LRMDA: variants seen among roughly 807,000 people sequenced by gnomAD.
LRMDA encodes leucine rich melanocyte differentiation associated, also known as leucine-rich melanocyte differentiation-associated protein.
LRMDA carries 18 observed loss-of-function variants against 29.8 expected under a neutral mutation model. The ratio of observed to expected loss-of-function variants is 0.60; its 90% CI spans 0.42 to 0.90. The LOEUF is 0.90. Ranked by LOEUF, LRMDA falls within the 40% of genes least tolerant of loss-of-function variation. LRMDA has a pLI of 0.00. For synonymous variants in LRMDA, 125 were observed against 109.4 expected, an observed-to-expected ratio of 1.14 and a Z score of -0.89; for missense variants, 273 against 273.9, an observed-to-expected ratio of 1.00 and a Z score of 0.02.
intron 6 of LRMDA, among the ~76,000 whole-genome samples, chr10:76,529,413 G>A (rs544527098): frequency 6.6e-6 from 1 of 152,172 alleles, no homozygotes; most frequent in South Asian, 2.1e-4. Flanking sequence ...TTAATTTGGG[G>A]AATGAGACAT....
chr10:76,282,458 A>T (rs1269334266), intron 5 of LRMDA, among the ~76,000 whole-genome samples: 2 of 152,192 alleles, frequency 1.3e-5, no homozygotes, highest in Admixed American at 6.5e-5. Context: ...AGTCAAGATT[A>T]TATATACCCA....
chr10:76,363,176 A>AGAAAGAAGGGAGGGAGGGAG (rs1459442138), intron 6 of LRMDA, among the ~76,000 whole-genome samples: 7 of 21,794 alleles, frequency 3.2e-4, no homozygotes, highest in Non-Finnish European at 7.0e-4. Flanking sequence ...AAAGAAAGAA[A>AGAAAGAAGGGAGGGAGGGAG]GGAGGGAGGG....
At chr10:75,545,951 C>T (rs569026809) in intron 2 of LRMDA, among the ~76,000 whole-genome samples, 16 of 152,268 alleles carry the variant, frequency 1.1e-4, no homozygotes, top group African/African-American at 3.4e-4. Flanking sequence ...CCATGAAACT[C>T]ACAGGAACTC....
rs184852604 is a variant in LRMDA at position 75,877,918 on chromosome 10, C to T, written c.132-158090C>T. Among the ~76,000 whole-genome samples the T allele has an allele frequency of 3.6e-3, 547 of 152,168 alleles. 16 individuals are homozygous for T. The highest frequency in any genetic ancestry group is 0.033 in the Admixed American group (512 of 15,298). On this transcript the variant is annotated intron_variant, in intron 2 of 6. Transcript: ENST00000611255. ...TGACACAGGGATGTCAAGATGAAAT[C>T]GGAGGAGTTCCCTTATCCCCCTCAC...
At chr10:75,651,317 T>C (rs549203816) in intron 2 of LRMDA, among the ~76,000 whole-genome samples, 126 of 152,292 alleles carry the variant, frequency 8.3e-4, no homozygotes, top group African/African-American at 2.9e-3. Flanking sequence ...CTCTAGGATC[T>C]GGGCAGAAAA....
intron 2 of LRMDA, among the ~76,000 whole-genome samples, chr10:75,927,327 AAACT>A (rs1279112989): frequency 2.6e-5 from 4 of 152,292 alleles, no homozygotes; most frequent in Admixed American, 2.0e-4. Flanking sequence ...AACCACTGTA[AAACT>A]GTATAAGTCT....
At chr10:76,157,635 C>G (rs1400130702) in intron 5 of LRMDA, among the ~76,000 whole-genome samples, 5 of 151,536 alleles carry the variant, frequency 3.3e-5, no homozygotes, top group Non-Finnish European at 7.4e-5. Context: ...AAAAAAGACC[C>G]TAAATGAAGG....
chr10:76,494,336 T>TC (rs1487892929), intron 6 of LRMDA, among the ~76,000 whole-genome samples: 31 of 151,644 alleles, frequency 2.0e-4, no homozygotes, highest in African/African-American at 7.2e-4. Context: ...CTTTTTTTTT[T>TC]TTTTTAAATG....
chr10:76,508,378 C>T, intron 6 of LRMDA, among the ~76,000 whole-genome samples: 1 of 152,174 alleles, frequency 6.6e-6, no homozygotes, highest in East Asian at 1.9e-4. Context: ...TGATTTTCTA[C>T]TCTCATCACT....
intron 5 of LRMDA, among the ~76,000 whole-genome samples, chr10:76,147,683 C>T (rs1199153391): frequency 1.3e-5 from 2 of 152,242 alleles, no homozygotes; most frequent in Non-Finnish European, 2.9e-5. Flanking sequence ...CTTCTCTCAA[C>T]TCGTCAAAGT....
chr10:76,022,754 AGGG>A (rs561655363), intron 2 of LRMDA, among the ~76,000 whole-genome samples: 4 of 151,954 alleles, frequency 2.6e-5, no homozygotes, highest in Non-Finnish European at 4.4e-5. Context: ...AGGCCTGGCT[AGGG>A]GATGCTCAAT....
intron 5 of LRMDA, among the ~76,000 whole-genome samples, chr10:76,208,116 A>G (rs952359833): frequency 1.3e-5 from 2 of 152,210 alleles, no homozygotes; most frequent in Non-Finnish European, 2.9e-5. Context: ...TGGTAAACAT[A>G]GTTCAATTAA....
At chr10:76,147,475 A>G (rs1166206904) in intron 5 of LRMDA, among the ~76,000 whole-genome samples, 2 of 152,308 alleles carry the variant, frequency 1.3e-5, no homozygotes, top group African/African-American at 2.4e-5. Context: ...AGTTGATGGC[A>G]TCGGCTACTG....
At chr10:76,097,649 T>C (rs1849333637) in intron 5 of LRMDA, among the ~76,000 whole-genome samples, 1 of 152,180 alleles carries the variant, frequency 6.6e-6, no homozygotes. Context: ...TTTTGTCAAA[T>C]GTTTTTCTGC....
chr10:75,440,063 A>G (rs73288987), intron 2 of LRMDA, among the ~76,000 whole-genome samples: 15,672 of 151,076 alleles, frequency 0.1, 2,368 homozygotes, highest in African/African-American at 0.34. Context: ...GGACTGGGCT[A>G]TTGGGTTTGA....
chr10:75,447,742 CA>C (rs1269186651), intron 2 of LRMDA, among the ~76,000 whole-genome samples: 1 of 152,016 alleles, frequency 6.6e-6, no homozygotes, highest in Non-Finnish European at 1.5e-5. Context: ...AAAAAATACA[CA>C]TAATTAGCTG....
intron 2 of LRMDA, among the ~76,000 whole-genome samples, chr10:75,530,108 T>C (rs1845459765): frequency 6.6e-6 from 1 of 151,926 alleles, no homozygotes; most frequent in Non-Finnish European, 1.5e-5. Flanking sequence ...TACATATTTA[T>C]ATATTCTTTA....
intron 2 of LRMDA, among the ~76,000 whole-genome samples, chr10:75,891,595 G>A (rs550481698): frequency 1.3e-5 from 2 of 152,260 alleles, no homozygotes; most frequent in East Asian, 3.9e-4. Context: ...AGGACTTTGG[G>A]TTTTATTGTA....
At chr10:75,739,290 A>G (rs1441919936) in intron 2 of LRMDA, among the ~76,000 whole-genome samples, 1 of 152,266 alleles carries the variant, frequency 6.6e-6, no homozygotes, top group East Asian at 1.9e-4. Context: ...GCACAAACCC[A>G]GGCCCAGAGA....
Sources: gnomAD v4.1 joint callset for allele counts (sites outside exome capture counted in the v4.1 genomes callset) on GRCh38, gnomAD v4.1.1 for gene constraint, MANE v1.5 for transcripts, NCBI Gene and HGNC (gene_info 2026-07-23, HGNC 2026-07-21) for gene names.